ASXL3: variants seen among roughly 807,000 people sequenced by gnomAD.
ASXL3 encodes the protein putative Polycomb group protein ASXL3.
Under a neutral mutation model 170.6 loss-of-function variants are expected in ASXL3, and 34 were observed. That is an observed-to-expected ratio of 0.20 (90% CI 0.15 to 0.27). ASXL3 has a LOEUF of 0.27. Among genes scored for constraint, ASXL3 ranks in the 10% least tolerant of loss-of-function variants. The pLI is 1.00. For missense variants in ASXL3, 2,592 were observed against 2,695.3 expected (o/e 0.96, Z 0.85); for synonymous variants, 1,002 against 989.1 (o/e 1.01, Z -0.24).
At chr18:33,742,120 C>T (rs1442236987) in intron 11 of ASXL3, among the ~76,000 whole-genome samples, 1 of 152,178 alleles carries the variant, frequency 6.6e-6, no homozygotes, top group Non-Finnish European at 1.5e-5. Flanking sequence ...TCAGAGTTTC[C>T]CTTGCTTTTA....
rs187632583 is a variant in ASXL3, at chr18:33,743,144, T to A, written c.3296T>A (p.Leu1099Gln). The change falls in exon 12 of 12, where the codon CTG (leucine) becomes CAG (glutamine). Residue 1099 changes from leucine to glutamine, a missense_variant. By Grantham distance (113) the Leu-to-Gln change is moderately radical (BLOSUM62 -2). Around this residue, in one of 4 missense-constraint regions of ASXL3, gnomAD observed 2,246 missense variants for 2,219.6 expected, o/e 1.01. Transcript: ENST00000269197. ...SPGEGGKTRT[L>Q]AHIKEQTKAK... is the part of the protein sequence containing the mutation. The stretch of plus-strand genomic sequence containing the variant: ...GGAGAGGGTGGAAAGACGAGAACTC[T>A]GGCACACATCAAAGAGCAGACAAAG... 2.2e-5 allele frequency: 36 copies of A among 1,613,974 alleles called. No individual in the cohort carries two copies. In the Admixed American group the frequency reaches 4.2e-4, roughly 19 times the overall value.
intron 2 of ASXL3, chr18:33,626,487 A>G (rs1349185158): frequency 2.0e-5 from 3 of 151,514 alleles, no homozygotes; most frequent in Non-Finnish European, 4.4e-5. Flanking sequence ...TCAGGGGTTA[A>G]TCTGGCATTG....
intron 1 of ASXL3, among the ~76,000 whole-genome samples, chr18:33,606,820 C>G (rs2065255904): frequency 6.6e-6 from 1 of 151,930 alleles, no homozygotes; most frequent in South Asian, 2.1e-4. Context: ...CTTATTGTTT[C>G]CACCACATGG....
At chr18:33,723,119 AAG>A (rs763564127) in intron 8 of ASXL3, among the ~76,000 whole-genome samples, 11 of 152,200 alleles carry the variant, frequency 7.2e-5, no homozygotes, top group Admixed American at 2.0e-4. Flanking sequence ...GAGATGTAAA[AAG>A]AGAATAATGT....
intron 8 of ASXL3, among the ~76,000 whole-genome samples, chr18:33,702,027 C>G (rs2066882430): frequency 6.6e-6 from 1 of 152,060 alleles, no homozygotes; most frequent in Non-Finnish European, 1.5e-5. Flanking sequence ...TTTTACCTTT[C>G]AACCCAGAAT....
chr18:33,694,503 C>A (rs1010634341), intron 8 of ASXL3, among the ~76,000 whole-genome samples: 1 of 151,982 alleles, frequency 6.6e-6, no homozygotes, highest in African/African-American at 2.4e-5. Flanking sequence ...ACTTGATGTT[C>A]TTCTCTGACT....
chr18:33,585,214 C>T (rs976387096), intron 1 of ASXL3, among the ~76,000 whole-genome samples: 9 of 151,870 alleles, frequency 5.9e-5, no homozygotes, highest in African/African-American at 2.2e-4. Context: ...GATCCTGGCT[C>T]CTTCCTGATA....
At chr18:33,730,465 A>G (rs997045668) in intron 8 of ASXL3, among the ~76,000 whole-genome samples, 2 of 152,154 alleles carry the variant, frequency 1.3e-5, no homozygotes, top group African/African-American at 2.4e-5. Flanking sequence ...AGCCATTGGG[A>G]ACATAGCACC....
chr18:33,672,820 A>G (rs560362047), intron 7 of ASXL3, among the ~76,000 whole-genome samples: 3 of 152,284 alleles, frequency 2.0e-5, no homozygotes, highest in Non-Finnish European at 4.4e-5. Flanking sequence ...TTGCTACTAT[A>G]TGACAGACAT....
At chr18:33,718,649 G>A (rs1213679868) in intron 8 of ASXL3, among the ~76,000 whole-genome samples, 1 of 151,838 alleles carries the variant, frequency 6.6e-6, no homozygotes, top group African/African-American at 2.4e-5. Flanking sequence ...TGGGGCTGAA[G>A]ACCACAGCTC....
At chr18:33,609,233 C>G (rs2065296724) in intron 2 of ASXL3, among the ~76,000 whole-genome samples, 1 of 151,870 alleles carries the variant, frequency 6.6e-6, no homozygotes. Flanking sequence ...ATTTAGAAAG[C>G]ACTGAAAATA....
chr18:33,604,433 A>G (rs1012458999), intron 1 of ASXL3, among the ~76,000 whole-genome samples: 7 of 151,544 alleles, frequency 4.6e-5, no homozygotes, highest in East Asian at 1.9e-4. Context: ...TTGAATTCCA[A>G]TCTCAATTTC....
intron 1 of ASXL3, among the ~76,000 whole-genome samples, chr18:33,582,729 TG>T (rs1404807773): frequency 6.6e-5 from 10 of 150,558 alleles, no homozygotes; most frequent in Admixed American, 3.3e-4. Flanking sequence ...TGTGTGTGTG[TG>T]TGTGTGTGTG....
At chr18:33,707,713 G>A (rs2066985765) in intron 8 of ASXL3, among the ~76,000 whole-genome samples, 1 of 151,932 alleles carries the variant, frequency 6.6e-6, no homozygotes, top group Non-Finnish European at 1.5e-5. Flanking sequence ...TTGAAGACAA[G>A]TGGTGATAGG....
intron 10 of ASXL3, among the ~76,000 whole-genome samples, chr18:33,735,246 G>GT (rs956206963): frequency 4.6e-5 from 7 of 152,170 alleles, no homozygotes; most frequent in African/African-American, 1.7e-4. Flanking sequence ...AATTACACTT[G>GT]TAAATGGGGA....
chr18:33,731,706 C>T (rs1198198000), intron 8 of ASXL3, among the ~76,000 whole-genome samples: 1 of 152,138 alleles, frequency 6.6e-6, no homozygotes, highest in Non-Finnish European at 1.5e-5. Flanking sequence ...TCAGCAAGCA[C>T]AATGCATACA....
At chr18:33,613,530 T>C (rs1281437524) in intron 2 of ASXL3, among the ~76,000 whole-genome samples, 2 of 152,120 alleles carry the variant, frequency 1.3e-5, no homozygotes, top group African/African-American at 4.8e-5. Flanking sequence ...AATTGTTTGG[T>C]TTCCCAGTGC....
chr18:33,717,294 G>C (rs576826280), intron 8 of ASXL3, among the ~76,000 whole-genome samples: 5 of 152,204 alleles, frequency 3.3e-5, no homozygotes, highest in South Asian at 2.1e-4. Context: ...TCTGATTGTT[G>C]CTTCTTAAAT....
At chr18:33,665,545 C>G (rs2066243503) in intron 5 of ASXL3, among the ~76,000 whole-genome samples, 1 of 152,154 alleles carries the variant, frequency 6.6e-6, no homozygotes, top group Non-Finnish European at 1.5e-5. Flanking sequence ...GGAAGAGTTA[C>G]TGCATTCGAT....
Sources: allele counts gnomAD v4.1 joint callset (sites outside exome capture counted in the v4.1 genomes callset), GRCh38; gene constraint gnomAD v4.1.1; regional missense constraint gnomAD v4.1.1; transcripts MANE v1.5; gene names NCBI Gene and HGNC (gene_info 2026-07-23, HGNC 2026-07-21).